Variants in PTPRD observed in about 807,000 individuals in gnomAD.
PTPRD encodes protein tyrosine phosphatase receptor type D.
Under a neutral mutation model 214.5 loss-of-function variants are expected in PTPRD, and 34 were observed. The observed-to-expected ratio is 0.16, with a 90% confidence interval of 0.12 to 0.21. PTPRD has a LOEUF of 0.21. PTPRD is among the 10% of genes least tolerant of loss of function. PTPRD has a pLI of 1.00. For missense variants in PTPRD, 2,545 were observed against 2,398.7 expected (o/e 1.06, Z -1.27); for synonymous variants, 1,128 against 845.7 (o/e 1.33, Z -5.79).
chr9:10,600,537 A>C (rs746066910), intron 2 of PTPRD, among the ~76,000 whole-genome samples: 2 of 151,814 alleles, frequency 1.3e-5, no homozygotes, highest in Non-Finnish European at 2.9e-5. Flanking sequence ...TACAGAGGCC[A>C]GGCTAAGTAA....
chr9:10,585,220 A>C (rs528400799), intron 2 of PTPRD, among the ~76,000 whole-genome samples: 2 of 152,090 alleles, frequency 1.3e-5, no homozygotes, highest in Non-Finnish European at 1.5e-5. Context: ...TTAATACTTT[A>C]ATTTAATCTT....
chr9:9,494,808 C>A (rs1470954050), intron 8 of PTPRD, among the ~76,000 whole-genome samples: 1 of 152,026 alleles, frequency 6.6e-6, no homozygotes, highest in Non-Finnish European at 1.5e-5. Context: ...AAATAGGAAA[C>A]CCAACCTTAA....
chr9:10,607,658 G>A (rs749041940), intron 2 of PTPRD, among the ~76,000 whole-genome samples: 1 of 151,542 alleles, frequency 6.6e-6, no homozygotes, highest in African/African-American at 2.4e-5. Flanking sequence ...ATCACATATA[G>A]AAAACAATTG....
intron 31 of PTPRD, among the ~76,000 whole-genome samples, chr9:8,466,645 A>C (rs2096549565): frequency 6.6e-6 from 1 of 151,890 alleles, no homozygotes; most frequent in Non-Finnish European, 1.5e-5. Flanking sequence ...CTGTTGATGT[A>C]AGCAGCAGTC....
intron 9 of PTPRD, among the ~76,000 whole-genome samples, chr9:9,321,947 A>G (rs1206321988): frequency 2.0e-5 from 3 of 152,150 alleles, no homozygotes; most frequent in Admixed American, 1.3e-4. Flanking sequence ...TAAAATATAC[A>G]TTAATCTGCC....
At chr9:10,453,294 T>C (rs1293008812) in intron 2 of PTPRD, among the ~76,000 whole-genome samples, 6 of 151,624 alleles carry the variant, frequency 4.0e-5, no homozygotes, top group Admixed American at 2.0e-4. Context: ...TCTTTGACTA[T>C]TCATGAGATT....
At chr9:10,141,826 G>A (rs1425764798) in intron 3 of PTPRD, among the ~76,000 whole-genome samples, 2 of 152,106 alleles carry the variant, frequency 1.3e-5, no homozygotes, top group Non-Finnish European at 2.9e-5. Context: ...AAAGCTGGAG[G>A]CATCACACTA....
chr9:8,524,253 A>G (rs1050716709), intron 18 of PTPRD, among the ~76,000 whole-genome samples: 1 of 152,212 alleles, frequency 6.6e-6, no homozygotes, highest in African/African-American at 2.4e-5. Context: ...GACAACTCAC[A>G]TTACTATTTA....
At chr9:9,748,278 C>A (rs1234605861) in intron 6 of PTPRD, among the ~76,000 whole-genome samples, 4 of 152,150 alleles carry the variant, frequency 2.6e-5, no homozygotes, top group African/African-American at 9.7e-5. Flanking sequence ...TGGGATCCTA[C>A]ACTAAAATCT....
chr9:9,120,104 T>C (rs1329999993), intron 10 of PTPRD, among the ~76,000 whole-genome samples: 2 of 152,156 alleles, frequency 1.3e-5, no homozygotes, highest in African/African-American at 2.4e-5. Context: ...GAGCCCATGG[T>C]CTAAATAGCA....
chr9:8,664,224 T>A (rs1399219552), intron 12 of PTPRD, among the ~76,000 whole-genome samples: 1 of 152,152 alleles, frequency 6.6e-6, no homozygotes, highest in Non-Finnish European at 1.5e-5. Flanking sequence ...ATCAGAATCT[T>A]CTCTTAATAA....
intron 3 of PTPRD, among the ~76,000 whole-genome samples, chr9:10,237,174 G>A (rs2099631720): frequency 6.6e-6 from 1 of 151,766 alleles, no homozygotes; most frequent in African/African-American, 2.4e-5. Context: ...CTATGCATGG[G>A]TTGGTGTAGG....
rs529426422 is a variant in PTPRD, at chr9:9,353,046, T to C, written c.-203+44403A>G. ...TTGAATTAATTCTTCAAAATTTTAA[T>C]GCAGGGAGAAATCATGTGGGAGCCC... is the stretch of plus-strand genomic sequence containing the variant. On this transcript the variant is annotated intron_variant, in intron 9 of 45. Coordinates refer to ENST00000381196, the MANE Select transcript of PTPRD (RefSeq NM_002839.4). 2.6e-5 allele frequency among the ~76,000 whole-genome samples: 4 copies of C among 152,078 alleles called. No homozygotes were observed. In the South Asian group the frequency reaches 8.3e-4, roughly 31 times the overall value.
intron 5 of PTPRD, among the ~76,000 whole-genome samples, chr9:9,881,705 C>T (rs988893176): frequency 3.3e-5 from 5 of 152,156 alleles, no homozygotes; most frequent in Admixed American, 2.0e-4. Context: ...GCAACCGTCT[C>T]ACACCCCCAC....
At chr9:9,233,206 G>A (rs1483836880) in intron 9 of PTPRD, among the ~76,000 whole-genome samples, 2 of 152,204 alleles carry the variant, frequency 1.3e-5, no homozygotes, top group East Asian at 1.9e-4. Context: ...CACAGTCATG[G>A]CAGAAGGCAC....
At chr9:9,482,991 A>G (rs1195543099) in intron 8 of PTPRD, among the ~76,000 whole-genome samples, 1 of 152,140 alleles carries the variant, frequency 6.6e-6, no homozygotes, top group Non-Finnish European at 1.5e-5. Context: ...TTAAAAGTTG[A>G]TTTTTCTTCT....
At chr9:8,787,850 G>A (rs139095653) in intron 11 of PTPRD, among the ~76,000 whole-genome samples, 3 of 152,264 alleles carry the variant, frequency 2.0e-5, no homozygotes, top group African/African-American at 7.2e-5. Context: ...CCAAATGAAT[G>A]ATGGATAATC....
intron 11 of PTPRD, among the ~76,000 whole-genome samples, chr9:8,914,989 A>G (rs960514419): frequency 6.6e-6 from 1 of 152,190 alleles, no homozygotes; most frequent in Admixed American, 6.5e-5. Flanking sequence ...AAATCACAAA[A>G]CATGTGCCAG....
intron 4 of PTPRD, among the ~76,000 whole-genome samples, chr9:10,008,474 T>C (rs192278410): frequency 6.6e-6 from 1 of 152,138 alleles, no homozygotes; most frequent in African/African-American, 2.4e-5. Context: ...TGCATGTAAA[T>C]GTTAAGTCTC....
Sources: gnomAD v4.1 joint callset for allele counts (sites outside exome capture counted in the v4.1 genomes callset) on GRCh38, gnomAD v4.1.1 for gene constraint, MANE v1.5 for transcripts, NCBI Gene and HGNC (gene_info 2026-07-23, HGNC 2026-07-21) for gene names.